Variants in TAF4B observed in about 807,000 individuals in gnomAD.
TAF4B encodes TATA-box binding protein associated factor 4b.
A neutral mutation model predicts 86.4 loss-of-function variants in TAF4B; 38 were observed. The observed-to-expected ratio is 0.44, with a 90% CI of 0.34 to 0.58. TAF4B has a LOEUF of 0.58. TAF4B is among the 20% of genes least tolerant of loss of function. TAF4B has a pLI of 0.02. For missense variants in TAF4B, 988 were observed against 1,027.6 expected, an observed-to-expected ratio of 0.96 and a Z score of 0.53; for synonymous variants, 388 against 391.2, an observed-to-expected ratio of 0.99 and a Z score of 0.10.
intron 9 of TAF4B, among the ~76,000 whole-genome samples, chr18:26,312,845 C>G (rs1432126315): frequency 6.6e-6 from 1 of 152,160 alleles, no homozygotes; most frequent in African/African-American, 2.4e-5. Context: ...TATCTCTACA[C>G]TTCAATTTTT....
At chr18:26,316,847 A>T (rs187730200) in intron 10 of TAF4B, among the ~76,000 whole-genome samples, 1 of 151,926 alleles carries the variant, frequency 6.6e-6, no homozygotes, top group Admixed American at 6.6e-5. Flanking sequence ...TTTTTTGCAT[A>T]TGTATTTTGT....
intron 5 of TAF4B, among the ~76,000 whole-genome samples, chr18:26,277,258 AT>A (rs919837589): frequency 6.6e-6 from 1 of 151,612 alleles, no homozygotes; most frequent in Non-Finnish European, 1.5e-5. Context: ...TAATTTTTTG[AT>A]TTTTTTTGTA....
chr18:26,275,136 GATTTATTTA>G, intron 5 of TAF4B, 83 bp downstream of exon 5: 1 of 1,348,540 alleles, frequency 7.4e-7, no homozygotes, highest in Non-Finnish European at 9.8e-7. Context: ...TTTTAAATGG[GATTTATTTA>G]ATTTATTTAT....
chr18:26,281,335 A>G (rs1303589321), intron 5 of TAF4B, among the ~76,000 whole-genome samples: 2 of 152,176 alleles, frequency 1.3e-5, no homozygotes, highest in Non-Finnish European at 1.5e-5. Flanking sequence ...CTTCATGAAG[A>G]AAAAACCAGA....
chr18:26,373,495 T>C (rs1208869216), intron 14 of TAF4B, among the ~76,000 whole-genome samples: 1 of 152,154 alleles, frequency 6.6e-6, no homozygotes, highest in African/African-American at 2.4e-5. Context: ...AATCAATATA[T>C]GTATATTGTA....
intron 1 of TAF4B, among the ~76,000 whole-genome samples, chr18:26,251,492 C>T (rs1054325612): frequency 6.6e-6 from 1 of 152,020 alleles, no homozygotes; most frequent in Non-Finnish European, 1.5e-5. Flanking sequence ...TGTAGCAGTT[C>T]ACTGGGCTGA....
intron 1 of TAF4B, among the ~76,000 whole-genome samples, chr18:26,231,982 C>T (rs568220581): frequency 4.7e-4 from 71 of 152,240 alleles, no homozygotes; most frequent in African/African-American, 1.7e-3. Context: ...CTTTTAGGAT[C>T]CTGCTGATTG....
intron 1 of TAF4B, among the ~76,000 whole-genome samples, chr18:26,248,876 A>G (rs1315807970): frequency 6.8e-6 from 1 of 146,234 alleles, no homozygotes; most frequent in African/African-American, 2.5e-5. Context: ...TTTTGTTATT[A>G]AAAAAGGGGA....
intron 13 of TAF4B, among the ~76,000 whole-genome samples, chr18:26,345,483 A>G (rs961447942): frequency 1.3e-5 from 2 of 152,186 alleles, no homozygotes; most frequent in African/African-American, 4.8e-5. Context: ...TTGTATGTAT[A>G]TGCCTCTGAC....
In TAF4B at chr18:26,285,913, C is replaced by G. The variant is rs775712107; in HGVS notation, c.1004C>G (p.Pro335Arg). 5 of 1,612,042 alleles carry G rather than the reference C, an allele frequency of 3.1e-6. No homozygotes were observed. Among genetic ancestry groups the G allele is most frequent in the Non-Finnish European group, 2.5e-6 (3 of 1,178,650 alleles). ...KSVVALRQLL[P>R]NSQSFIQQCV... Reference sequence around the variant, plus strand: ...GTGGTTGCCTTACGACAACTTCTGCCTAACTCCCAGAGCTTCATCCAGCAA... The same window carrying G: ...GTGGTTGCCTTACGACAACTTCTGCGTAACTCCCAGAGCTTCATCCAGCAA... The change falls in exon 7 of 15, where the codon CCT becomes CGT. Residue 335 changes from proline to arginine, a missense_variant. Pro to Arg is a moderately radical substitution (Grantham distance 103, BLOSUM62 -2). This residue lies in a region of TAF4B where 747 missense variants were observed against 737.9 expected (regional missense o/e 1.01). Coordinates refer to ENST00000269142, the MANE Select transcript of TAF4B (RefSeq NM_005640.3).
chr18:26,305,816 C>T (rs912436040), intron 9 of TAF4B, among the ~76,000 whole-genome samples: 5 of 152,058 alleles, frequency 3.3e-5, no homozygotes, highest in African/African-American at 9.7e-5. Context: ...ATTTTTCTCT[C>T]GTGCATGAAT....
At chr18:26,380,883 C>T (rs1286268789) in intron 14 of TAF4B, among the ~76,000 whole-genome samples, 4 of 151,816 alleles carry the variant, frequency 2.6e-5, no homozygotes, top group Non-Finnish European at 5.9e-5. Flanking sequence ...GATTTAAGTC[C>T]ATCATCTTGC....
At chr18:26,296,427 T>G (rs977240703) in intron 9 of TAF4B, among the ~76,000 whole-genome samples, 7 of 151,834 alleles carry the variant, frequency 4.6e-5, no homozygotes, top group Non-Finnish European at 1.0e-4. Flanking sequence ...CCTGTCTCTC[T>G]TTTCTGCAGT....
chr18:26,352,475 C>G (rs2057253460), intron 13 of TAF4B, among the ~76,000 whole-genome samples: 1 of 152,004 alleles, frequency 6.6e-6, no homozygotes. Context: ...AAAAAGTTCC[C>G]AGAAGCTGGT....
chr18:26,273,509 C>G (rs1395394290), intron 3 of TAF4B, among the ~76,000 whole-genome samples: 1 of 152,060 alleles, frequency 6.6e-6, no homozygotes, highest in Non-Finnish European at 1.5e-5. Flanking sequence ...CATGTGTCCC[C>G]ACTCCTCTCC....
At chr18:26,380,183 A>G (rs1248387638) in intron 14 of TAF4B, among the ~76,000 whole-genome samples, 1 of 152,106 alleles carries the variant, frequency 6.6e-6, no homozygotes, top group Non-Finnish European at 1.5e-5. Context: ...CTTCCCCATT[A>G]CTATGTTTAA....
rs146570779 is a variant in TAF4B, at chr18:26,245,273, G to A, written c.343+17997G>A. On this transcript the variant is annotated intron_variant, in intron 1 of 14. Transcript: ENST00000269142. Reference sequence around the variant, plus strand: ...AGCCCCCAAGATGTGTCCAGAGTTGGTTCCTTCCAGCAGGTTTGTGGTCTC... The same window carrying A: ...AGCCCCCAAGATGTGTCCAGAGTTGATTCCTTCCAGCAGGTTTGTGGTCTC... 1.6e-3 allele frequency among the ~76,000 whole-genome samples: 246 copies of A among 152,270 alleles called. 1 individual carries two copies. The highest frequency in any genetic ancestry group is 5.7e-3 in the African/African-American group (238 of 41,548).
intron 14 of TAF4B, among the ~76,000 whole-genome samples, chr18:26,377,634 A>T (rs2057451581): frequency 6.6e-6 from 1 of 152,268 alleles, no homozygotes; most frequent in Admixed American, 6.5e-5. Flanking sequence ...CTCTTCTGGC[A>T]CAAAGAACAC....
Position 26,230,298 on chromosome 18 carries a change from C to A in TAF4B, c.343+3022C>A, listed in dbSNP as rs77256546. Among the ~76,000 whole-genome samples, 1,015 of 152,272 alleles carry A rather than the reference C, an allele frequency of 6.7e-3. 14 individuals carry two copies. Among genetic ancestry groups the A allele is most frequent in the East Asian group, 0.051 (265 of 5,180 alleles). ...AAAGTTACTTATGAAGCAGTGAGGT[C>A]CCTTTTCATCAGCCTGTTTTCATGC... is the stretch of plus-strand genomic sequence containing the variant. On this transcript the variant is annotated intron_variant, in intron 1 of 14. Transcript: ENST00000269142.
Sources: gnomAD v4.1 joint callset for allele counts (sites outside exome capture counted in the v4.1 genomes callset) on GRCh38, gnomAD v4.1.1 for gene constraint, gnomAD v4.1.1 regional missense constraint, MANE v1.5 for transcripts, NCBI Gene and HGNC (gene_info 2026-07-23, HGNC 2026-07-21) for gene names.